C1RL: variants seen among roughly 807,000 people sequenced by gnomAD.
C1RL encodes the protein complement C1r subcomponent-like protein.
A neutral mutation model predicts 27.9 loss-of-function variants in C1RL; 27 were observed. The ratio of observed to expected loss-of-function variants is 0.97; its 90% CI spans 0.71 to 1.33. The LOEUF (loss-of-function observed/expected upper bound fraction) is 1.33, where lower values mean the gene tolerates loss of function less well. Among genes scored for constraint, C1RL ranks in the 40% most tolerant of loss-of-function variants. C1RL has a pLI of 0.00. For synonymous variants in C1RL, 248 were observed against 252.1 expected (o/e 0.98, Z 0.15); for missense variants, 563 against 623.9 (o/e 0.90, Z 1.04).
In C1RL at chr12:7,095,653, G is replaced by A. The variant is rs1171004907; in HGVS notation, c.*738C>T. ...GATGTGGGGGCTGGGAGGGAAAGCG[G>A]GTGACACAGCAGGTTAGAGGAGGGT... is the stretch of plus-strand genomic sequence containing the variant. On this transcript the variant is annotated 3_prime_UTR_variant, in exon 6 of 6. Coordinates refer to ENST00000266542, the MANE Select transcript of C1RL (RefSeq NM_016546.4). 3.0e-6 allele frequency: 3 copies of A among 985,784 alleles called. No individual in the cohort carries two copies. The highest frequency in any genetic ancestry group is 3.5e-5 in the African/African-American group (2 of 57,230). The allele number at this position is 985,784 out of a possible 1,614,324, so 61.1% of individuals were successfully genotyped here.
rs1416501651 is a variant in C1RL, at chr12:7,096,789, G to C, written c.1066C>G (p.Leu356Val). ...QHSIPLGPNV[L>V]PVCLPDNETL... ...TCATTATCGGGCAGACAGACCGGGA[G>C]GACGTTGGGGCCCAGGGGGATGCTG... Residue 356 changes from leucine (L) to valine (V), a missense_variant, in exon 6 of 6, where the codon CTC (leucine) becomes GTC (valine). Leu to Val is a conservative substitution (Grantham distance 32, BLOSUM62 1). Coordinates refer to ENST00000266542, the MANE Select transcript of C1RL (RefSeq NM_016546.4). 6.2e-7 allele frequency: 1 copy of C among 1,605,310 alleles called. No individual in the cohort carries two copies. The highest frequency in any genetic ancestry group is 1.3e-5 in the African/African-American group (1 of 74,920).
In C1RL at chr12:7,099,734, T is replaced by A. The variant is rs373967047; in HGVS notation, c.643A>T (p.Thr215Ser). ...AGALTCATPG[T>S]WKDRQDGEEV... Reference sequence around the variant, plus strand: ...TCCCCATCCTGTCTGTCTTTCCAGGTCCCTGGGGTTGCACAGGTGAGTGCC... The same window carrying A: ...TCCCCATCCTGTCTGTCTTTCCAGGACCCTGGGGTTGCACAGGTGAGTGCC... Residue 215 changes from threonine (T) to serine (S), a missense_variant, in exon 5 of 6, where the codon ACC becomes TCC. Thr to Ser is a moderately conservative substitution (Grantham distance 58). Transcript: ENST00000266542. 4.6e-5 allele frequency: 72 copies of A among 1,570,336 alleles called. No homozygotes were observed. The highest frequency in any genetic ancestry group is 6.2e-5 in the Non-Finnish European group (72 of 1,157,330).
chr12:7,100,628 A>C (rs758253331), intron 3 of C1RL, among the ~76,000 whole-genome samples: 14 of 152,242 alleles, frequency 9.2e-5, no homozygotes, highest in African/African-American at 3.4e-4. Flanking sequence ...ACCATTATTA[A>C]AAATGCAAAA....
chr12:7,103,281 G>A (rs529866042), intron 2 of C1RL, among the ~76,000 whole-genome samples: 56 of 152,322 alleles, frequency 3.7e-4, no homozygotes, highest in Non-Finnish European at 7.2e-4. Flanking sequence ...AATTGTTAGC[G>A]AAATACAATT....
rs1005741086 is a variant in C1RL at position 7,096,252 on chromosome 12, A to G, written c.*139T>C. The G allele has an allele frequency of 1.4e-6, 2 of 1,421,136 alleles. No individual in the cohort carries two copies. The highest frequency in any genetic ancestry group is 1.8e-6 in the Non-Finnish European group (2 of 1,091,816). 88.0% of individuals were successfully genotyped at this position (1,421,136 alleles called of 1,614,324 possible). A position where few individuals can be genotyped will look rare whatever the true frequency, so the allele number is the denominator to read the frequency against. ...GTTTCTCTTGCAGTGGCTTGGTGCA[A>G]CAGTGATGTGAATAGGATTTCCCTG... On this transcript the variant is annotated 3_prime_UTR_variant, in exon 6 of 6. Coordinates refer to ENST00000266542, the MANE Select transcript of C1RL (RefSeq NM_016546.4).
chr12:7,105,777 A>G (rs1938750485), intron 2 of C1RL, among the ~76,000 whole-genome samples: 1 of 152,218 alleles, frequency 6.6e-6, no homozygotes, highest in Non-Finnish European at 1.5e-5. Context: ...CTCTATAAAA[A>G]GGCACATTTA....
chr12:7,108,156 C>A, intron 2 of C1RL, 95 bp downstream of exon 2: 2 of 1,030,012 alleles, frequency 1.9e-6, no homozygotes, highest in African/African-American at 1.6e-5. Flanking sequence ...TTCATCCCTC[C>A]TCCAGATGGG....
At position 7,096,790 on chromosome 12, in the gene C1RL, G is replaced by A. The variant is rs777837442; in HGVS notation, c.1065C>T (p.Val355=). Residue 355 remains valine (V), a synonymous_variant, in exon 6 of 6, where the codon GTC becomes GTT. Transcript: ENST00000266542. ...CATTATCGGGCAGACAGACCGGGAGGACGTTGGGGCCCAGGGGGATGCTGT... is the reference window on the plus strand; with the variant it reads ...CATTATCGGGCAGACAGACCGGGAGAACGTTGGGGCCCAGGGGGATGCTGT... ...LQHSIPLGPN[V]LPVCLPDNET... 1.2e-4 allele frequency: 192 copies of A among 1,605,380 alleles called. No individual in the cohort carries two copies. Among genetic ancestry groups the A allele is most frequent in the Non-Finnish European group, 1.5e-4 (174 of 1,175,222 alleles).
Position 7,097,059 on chromosome 12 carries a change from C to G in C1RL, c.796G>C (p.Gly266Arg). The G allele has an allele frequency of 6.2e-7, 1 of 1,614,134 alleles. No individual in the cohort carries two copies. Among genetic ancestry groups the G allele is most frequent in the Non-Finnish European group, 8.5e-7 (1 of 1,180,020 alleles). Residue 266 changes from glycine to arginine, a missense_variant, in exon 6 of 6, where the codon GGC (glycine) becomes CGC (arginine). Coordinates refer to ENST00000266542, the MANE Select transcript of C1RL (RefSeq NM_016546.4). ...CCCAGCAGGGCCCCGCCCCCACGGCCGTGGATACTGGTGAAGGCTTGCCAG... is the reference window on the plus strand; with the variant it reads ...CCCAGCAGGGCCCCGCCCCCACGGCGGTGGATACTGGTGAAGGCTTGCCAG... ...FPWQAFTSIH[G>R]RGGGALLGDR...
In C1RL at chr12:7,095,785, G is replaced by T. The variant is rs959109864; in HGVS notation, c.*606C>A. 1.3e-6 allele frequency: 1 copy of T among 753,054 alleles called. No homozygotes were observed. The highest frequency in any genetic ancestry group is 1.6e-6 in the Non-Finnish European group (1 of 618,046). 46.6% of individuals were successfully genotyped at this position (753,054 alleles called of 1,614,324 possible). On this transcript the variant is annotated 3_prime_UTR_variant, in exon 6 of 6. Coordinates refer to ENST00000266542, the MANE Select transcript of C1RL (RefSeq NM_016546.4). ...CCCCTGAGCCTCAGTTTCCTCATTT[G>T]TCACACATAGATAATAACACATCCT...
In C1RL at chr12:7,099,637, T is replaced by C. The variant is rs1163655150; in HGVS notation, c.691+49A>G. On this transcript the variant is annotated intron_variant, in intron 5 of 5. Coordinates refer to ENST00000266542, the MANE Select transcript of C1RL (RefSeq NM_016546.4). ...AACCCCTGTGTCCTGTAGGTCCCAG[T>C]TGCAGCTGAGGCTTGTTGGGGGAAT... 4.5e-6 allele frequency: 7 copies of C among 1,546,470 alleles called. No individual in the cohort carries two copies. The South Asian group carries it at 6.0e-5, about 13-fold the overall frequency.
intron 5 of C1RL, among the ~76,000 whole-genome samples, chr12:7,097,861 A>G (rs1270811128): frequency 6.6e-6 from 1 of 152,142 alleles, no homozygotes; most frequent in Admixed American, 6.5e-5. Flanking sequence ...GTTTTGTGTC[A>G]CTTCCTCATT....
At position 7,095,781 on chromosome 12, in the gene C1RL, A is replaced by C. The variant is rs1938407773; in HGVS notation, c.*610T>G. The C allele has an allele frequency of 2.6e-6, 2 of 758,332 alleles. No homozygotes were observed. Among genetic ancestry groups the C allele is most frequent in the Non-Finnish European group, 3.2e-6 (2 of 622,808 alleles). The allele number at this position is 758,332 out of a possible 1,614,324, so 47.0% of individuals were successfully genotyped here. A position where few individuals can be genotyped will look rare whatever the true frequency, so the allele number is the denominator to read the frequency against. On this transcript the variant is annotated 3_prime_UTR_variant, in exon 6 of 6. Transcript: ENST00000266542. ...TTATCCCCTGAGCCTCAGTTTCCTC[A>C]TTTGTCACACATAGATAATAACACA...
chr12:7,096,862 A>C lies in C1RL; in HGVS notation c.993T>G (p.Asn331Lys). Residue 331 changes from asparagine (N) to lysine (K), a missense_variant, in exon 6 of 6, where the codon AAT (asparagine) becomes AAG (lysine). Coordinates refer to ENST00000266542, the MANE Select transcript of C1RL (RefSeq NM_016546.4). ...TGTCCCCGCTAAAGTTATGGGACTCATTCTGACGGTAGTCGGGGTGCACAA... is the reference window on the plus strand; with the variant it reads ...TGTCCCCGCTAAAGTTATGGGACTCCTTCTGACGGTAGTCGGGGTGCACAA... ...RVVVHPDYRQ[N>K]ESHNFSGDIA... 1 of 1,601,506 alleles carries C rather than the reference A, an allele frequency of 6.2e-7. No homozygotes were observed. The highest frequency in any genetic ancestry group is 8.5e-7 in the Non-Finnish European group (1 of 1,172,674).
Position 7,095,455 on chromosome 12 carries a change from C to T in C1RL, c.*936G>A. ...TACTAAAAATTAAAGAGTTGGTCCT[C>T]TCAGGTGGAGCAGTTCCCCTGATGA... On this transcript the variant is annotated 3_prime_UTR_variant, in exon 6 of 6. Transcript: ENST00000266542. The T allele has an allele frequency of 1.0e-6, 1 of 995,480 alleles. No individual in the cohort carries two copies. Among genetic ancestry groups the T allele is most frequent in the Non-Finnish European group, 1.2e-6 (1 of 835,574 alleles). 61.7% of individuals were successfully genotyped at this position (995,480 alleles called of 1,614,324 possible). A position where few individuals can be genotyped will look rare whatever the true frequency, so the allele number is the denominator to read the frequency against.
chr12:7,105,473 T>G (rs966520626), intron 2 of C1RL, among the ~76,000 whole-genome samples: 1 of 152,226 alleles, frequency 6.6e-6, no homozygotes, highest in Non-Finnish European at 1.5e-5. Context: ...TTTCACCATG[T>G]TGGCCAGGCT....
chr12:7,098,556 G>C (rs180739043), intron 5 of C1RL: 191 of 152,276 alleles, frequency 1.3e-3, no homozygotes, highest in African/African-American at 4.5e-3. Flanking sequence ...AAGAAATAGA[G>C]ACAACCCAAA....
intron 1 of C1RL, chr12:7,108,837 G>A (rs1359674364): frequency 3.4e-5 from 19 of 556,384 alleles, no homozygotes; most frequent in Non-Finnish European, 5.4e-5. Context: ...GGGCGAGTGA[G>A]GGTCTGCCGT....
At chr12:7,101,770 A>G (rs1051912197) in intron 3 of C1RL, 128 bp downstream of exon 3, 1 of 968,298 alleles carries the variant, frequency 1.0e-6, no homozygotes, top group East Asian at 2.4e-5. Context: ...CAGGGCTGGG[A>G]TCCAGCCCAG....
Sources: allele counts gnomAD v4.1 joint callset (sites outside exome capture counted in the v4.1 genomes callset), GRCh38; gene constraint gnomAD v4.1.1; transcripts MANE v1.5; gene names NCBI Gene and HGNC (gene_info 2026-07-23, HGNC 2026-07-21).